Variants in CSMD1 observed in about 807,000 individuals in gnomAD.
CSMD1 encodes CUB and sushi domain-containing protein 1.
In CSMD1, 213 loss-of-function variants were observed where a neutral mutation model predicts 417.5. That is an observed-to-expected ratio of 0.51 (90% CI 0.46 to 0.57). CSMD1 has a LOEUF of 0.57. Ranked by LOEUF, CSMD1 falls within the 20% of genes least tolerant of loss-of-function variation. The pLI is 0.00. For missense variants in CSMD1, 6,923 were observed against 4,529.7 expected (o/e 1.53, Z -15.17); for synonymous variants, 2,862 against 1,736.8 (o/e 1.65, Z -16.11).
At chr8:4,247,417 T>C (rs1410646562) in intron 3 of CSMD1, among the ~76,000 whole-genome samples, 7 of 152,204 alleles carry the variant, frequency 4.6e-5, no homozygotes, top group Non-Finnish European at 1.0e-4. Flanking sequence ...CTTGCAGTTC[T>C]CCTGCTGTGT....
intron 1 of CSMD1, among the ~76,000 whole-genome samples, chr8:4,848,188 T>G (rs1159162306): frequency 6.6e-6 from 1 of 152,218 alleles, no homozygotes; most frequent in Non-Finnish European, 1.5e-5. Flanking sequence ...TTTCATTGTA[T>G]GGAAATGGCA....
chr8:4,386,120 G>A (rs929147783), intron 3 of CSMD1, among the ~76,000 whole-genome samples: 1 of 151,892 alleles, frequency 6.6e-6, no homozygotes, highest in Non-Finnish European at 1.5e-5. Flanking sequence ...CTTTTACCCG[G>A]GAATTTCAAA....
At chr8:4,852,582 T>C (rs1212821307) in intron 1 of CSMD1, among the ~76,000 whole-genome samples, 1 of 151,800 alleles carries the variant, frequency 6.6e-6, no homozygotes, top group Non-Finnish European at 1.5e-5. Context: ...TACAGAAAAA[T>C]GGTACCAGGA....
Position 3,831,605 on chromosome 8 carries a change from T to C in CSMD1, c.819-77563A>G, listed in dbSNP as rs182291759. 1.9e-3 allele frequency among the ~76,000 whole-genome samples: 285 copies of C among 152,330 alleles called. 1 individual carries two copies. Among genetic ancestry groups the C allele is most frequent in the Non-Finnish European group, 2.9e-3 (196 of 68,028 alleles). Reference sequence around the variant, plus strand: ...ATATCCCAAATGTCCTCTCTAATATTATAGCTTTTCATTGCACTACTTATG... The same window carrying C: ...ATATCCCAAATGTCCTCTCTAATATCATAGCTTTTCATTGCACTACTTATG... On this transcript the variant is annotated intron_variant, in intron 5 of 69. Coordinates refer to ENST00000635120, the MANE Select transcript of CSMD1 (RefSeq NM_033225.6).
intron 1 of CSMD1, among the ~76,000 whole-genome samples, chr8:4,969,568 G>A (rs1012447408): frequency 5.9e-5 from 9 of 151,622 alleles, no homozygotes; most frequent in African/African-American, 2.2e-4. Context: ...TCTCACAACA[G>A]CTCAGTTCTA....
chr8:4,666,906 A>G (rs1389882192), intron 1 of CSMD1, among the ~76,000 whole-genome samples: 1 of 152,074 alleles, frequency 6.6e-6, no homozygotes, highest in Non-Finnish European at 1.5e-5. Context: ...TTTGTGTGTT[A>G]CCTAATTAAA....
chr8:4,628,162 C>G (rs2616986), intron 2 of CSMD1, among the ~76,000 whole-genome samples: 34,828 of 150,746 alleles, frequency 0.23, 4,245 homozygotes, highest in Middle Eastern at 0.32. Context: ...CAAATTTCAA[C>G]TGAATGATTT....
At chr8:4,139,454 T>C (rs1803643276) in intron 3 of CSMD1, among the ~76,000 whole-genome samples, 1 of 144,456 alleles carries the variant, frequency 6.9e-6, no homozygotes, top group Admixed American at 6.7e-5. Context: ...ATGCCTGCCC[T>C]GGAGGCGTGG....
At chr8:3,834,903 T>G (rs1040970690) in intron 5 of CSMD1, among the ~76,000 whole-genome samples, 1 of 151,390 alleles carries the variant, frequency 6.6e-6, no homozygotes, top group Non-Finnish European at 1.5e-5. Flanking sequence ...AAAAAGTGGG[T>G]GAAGGACATG....
At chr8:2,959,808 T>C (rs942505069) in intron 62 of CSMD1, among the ~76,000 whole-genome samples, 2 of 152,150 alleles carry the variant, frequency 1.3e-5, no homozygotes, top group Non-Finnish European at 1.5e-5. Context: ...AAAATGTTCC[T>C]AATAAAGGAA....
chr8:4,178,592 A>T (rs547945347), intron 3 of CSMD1, among the ~76,000 whole-genome samples: 2 of 151,778 alleles, frequency 1.3e-5, no homozygotes, highest in South Asian at 4.2e-4. Flanking sequence ...GCAATTAGGC[A>T]GGAGAAGGAA....
At chr8:4,653,532 A>C (rs980597358) in intron 1 of CSMD1, among the ~76,000 whole-genome samples, 1 of 152,120 alleles carries the variant, frequency 6.6e-6, no homozygotes, top group African/African-American at 2.4e-5. Context: ...TTAGCAACCC[A>C]TGCTCAATAT....
At chr8:3,614,981 G>T (rs922952099) in intron 8 of CSMD1, among the ~76,000 whole-genome samples, 3 of 152,218 alleles carry the variant, frequency 2.0e-5, no homozygotes, top group Non-Finnish European at 2.9e-5. Context: ...CACAAGGAAG[G>T]AATACATAGA....
intron 2 of CSMD1, among the ~76,000 whole-genome samples, chr8:4,432,150 G>C (rs1037168037): frequency 4.6e-5 from 7 of 152,136 alleles, no homozygotes; most frequent in Admixed American, 2.6e-4. Context: ...AGCATGCATG[G>C]ATTATAAAAA....
chr8:4,818,380 G>A lies in CSMD1; in HGVS notation c.85+175952C>T, dbSNP rs1013332826. 5.9e-5 allele frequency among the ~76,000 whole-genome samples: 9 copies of A among 152,156 alleles called. No individual in the cohort carries two copies. The South Asian group carries it at 1.9e-3, about 31-fold the overall frequency. On this transcript the variant is annotated intron_variant, in intron 1 of 69. Transcript: ENST00000635120. The stretch of plus-strand genomic sequence containing the variant: ...TAATGTTCCTTCAATAAGTGCCATG[G>A]AAAGCTCCCCTTGAACAATATAACA...
chr8:3,322,023 G>C (rs1309214199), intron 23 of CSMD1, among the ~76,000 whole-genome samples: 1 of 152,088 alleles, frequency 6.6e-6, no homozygotes, highest in Non-Finnish European at 1.5e-5. Flanking sequence ...ATATCAGTGT[G>C]GAAATGTGTG....
intron 2 of CSMD1, among the ~76,000 whole-genome samples, chr8:4,555,980 T>A (rs1798071100): frequency 1.3e-5 from 2 of 152,136 alleles, no homozygotes; most frequent in Admixed American, 1.3e-4. Flanking sequence ...ATAAAATGAT[T>A]GATTTTCTGT....
At chr8:3,865,143 T>C (rs538554854) in intron 5 of CSMD1, among the ~76,000 whole-genome samples, 1 of 152,204 alleles carries the variant, frequency 6.6e-6, no homozygotes, top group Admixed American at 6.5e-5. Context: ...TCTGTGTGTG[T>C]TCCAGCTCAG....
intron 5 of CSMD1, among the ~76,000 whole-genome samples, chr8:3,818,568 C>T (rs560460306): frequency 2.6e-4 from 39 of 151,966 alleles, no homozygotes; most frequent in African/African-American, 8.9e-4. Flanking sequence ...AGCATGAAGA[C>T]GTGAAGGAGG....
Sources: allele counts gnomAD v4.1 joint callset (sites outside exome capture counted in the v4.1 genomes callset), GRCh38; gene constraint gnomAD v4.1.1; transcripts MANE v1.5; gene names NCBI Gene and HGNC (gene_info 2026-07-23, HGNC 2026-07-21).